TTC3: variants seen among roughly 807,000 people sequenced by gnomAD.
TTC3 encodes E3 ubiquitin-protein ligase TTC3.
A neutral mutation model predicts 249.6 loss-of-function variants in TTC3; 180 were observed. The ratio of observed to expected loss-of-function variants is 0.72; its 90% confidence interval spans 0.64 to 0.82. The LOEUF is 0.82. TTC3 is among the 40% of genes least tolerant of loss of function. TTC3 has a pLI of 0.00. For synonymous variants in TTC3, 717 were observed against 805.0 expected (o/e 0.89, Z 1.85); for missense variants, 2,061 against 2,398.4 (o/e 0.86, Z 2.94).
chr21:37,139,575 C>G (rs941649177), intron 19 of TTC3, among the ~76,000 whole-genome samples: 1 of 152,044 alleles, frequency 6.6e-6, no homozygotes, highest in African/African-American at 2.4e-5. Flanking sequence ...CTGTTCTCTC[C>G]CAGAAGTTGA....
intron 26 of TTC3, among the ~76,000 whole-genome samples, chr21:37,152,396 T>G (rs1015617350): frequency 6.6e-6 from 1 of 151,288 alleles, no homozygotes; most frequent in African/African-American, 2.4e-5. Context: ...TTTTTTGTTT[T>G]TTTTTTTTGA....
At chr21:37,166,231 A>G (rs374823592) in exon 33 of TTC3, 226 of 1,614,090 alleles carry the variant, frequency 1.4e-4, no homozygotes, top group Middle Eastern at 4.9e-4. Context: ...TAAACGTGTT[A>G]CCAGGTTTGC....
rs2072716935 is a variant in TTC3, at chr21:37,087,873, T to C, written c.185T>C (p.Leu62Ser). The C allele has an allele frequency of 1.3e-6, 2 of 1,599,128 alleles. No homozygotes were observed. The highest frequency in any genetic ancestry group is 1.7e-6 in the Non-Finnish European group (2 of 1,171,458). Residue 62 changes from leucine (L) to serine (S), a missense_variant and splice_region_variant, in exon 3 of 46, where the codon TTG (leucine) becomes TCG (serine). Around this residue, in one of 3 missense-constraint regions of TTC3, gnomAD observed 989 missense variants for 1,145.1 expected, o/e 0.86. Coordinates refer to ENST00000355666, the Ensembl canonical transcript of TTC3. The stretch of plus-strand genomic sequence containing the variant: ...GATTATATCCAAAGTGAGAGGAATT[T>C]GGGTGAGTACGTTGGTATTTTTAAT...
At chr21:37,128,566 A>G (rs989399756) in intron 15 of TTC3, among the ~76,000 whole-genome samples, 20 of 151,956 alleles carry the variant, frequency 1.3e-4, no homozygotes, top group African/African-American at 4.1e-4. Flanking sequence ...TTTCTCAGCC[A>G]CTCCAGCTTA....
chr21:37,130,905 A>T (rs747079680), intron 16 of TTC3, among the ~76,000 whole-genome samples: 3 of 152,208 alleles, frequency 2.0e-5, no homozygotes, highest in Non-Finnish European at 4.4e-5. Flanking sequence ...TAAATAATGT[A>T]TAGAAGTTGT....
chr21:37,145,121 A>G (rs1222789511), intron 21 of TTC3, among the ~76,000 whole-genome samples: 1 of 152,232 alleles, frequency 6.6e-6, no homozygotes, highest in Non-Finnish European at 1.5e-5. Context: ...TTAGAAAAAT[A>G]TGAATTTAGT....
Position 37,192,212 on chromosome 21 carries a change from C to T in TTC3, c.5216C>T (p.Thr1739Met), listed in dbSNP as rs139539630. The T allele has an allele frequency of 2.9e-5, 46 of 1,585,152 alleles. No homozygotes were observed. The highest frequency in any genetic ancestry group is 1.4e-4 in the South Asian group (12 of 86,658). ...GAGCTTTCATTTCCTGCCTGTAACA[C>T]GGTAAGTCTAGCACATCTTTTTTTT... is the stretch of plus-strand genomic sequence containing the variant. The change falls in exon 41 of 46, where the codon ACG (threonine) becomes ATG (methionine). Residue 1739 changes from threonine (T) to methionine (M), a missense_variant and splice_region_variant. This residue lies in a region of TTC3 where 1,040 missense variants were observed against 1,186.1 expected (regional missense o/e 0.88). Coordinates refer to ENST00000355666, the Ensembl canonical transcript of TTC3.
At chr21:37,182,677 G>A in intron 35 of TTC3, 97 bp from the exon 36 acceptor site, 2 of 1,270,506 alleles carry the variant, frequency 1.6e-6, no homozygotes, top group Non-Finnish European at 2.1e-6. Context: ...TTAGGTCATT[G>A]TTTAAGCTAT....
intron 35 of TTC3, among the ~76,000 whole-genome samples, chr21:37,179,650 T>C (rs1443468211): frequency 6.6e-6 from 1 of 152,210 alleles, no homozygotes; most frequent in Non-Finnish European, 1.5e-5. Flanking sequence ...CAAACTGTGA[T>C]CTTGAAAGTA....
At position 37,124,512 on chromosome 21, in the gene TTC3, C is replaced by T. The variant is rs190769572; in HGVS notation, c.1110-107C>T. The T allele has an allele frequency of 4.3e-5, 53 of 1,231,182 alleles. No homozygotes were observed. In the African/African-American group the frequency reaches 7.4e-4, roughly 17 times the overall value. 76.3% of individuals were successfully genotyped at this position (1,231,182 alleles called of 1,614,324 possible). On this transcript the variant is annotated intron_variant, in intron 13 of 45. Transcript: ENST00000355666. ...TCACAGGTAGGAAATCTTTTTAAAA[C>T]AATAATACCTTGCTTTCAAGGAAAA...
chr21:37,190,130 C>CTTTTTTTTTTTTT lies in TTC3; in HGVS notation c.5025-1187_5025-1175dup, dbSNP rs138862573. ...TTTTAGTGTATAGTTCTTTTTCTTTCTTTTTTTTTTTTTTTTTTTTTTTTT... is the reference window on the plus strand; with the variant it reads ...TTTTAGTGTATAGTTCTTTTTCTTTCTTTTTTTTTTTTTTTTTTTTTTTTTTTTTTTTTTTTTT... On this transcript the variant is annotated intron_variant, in intron 39 of 45. Transcript: ENST00000355666. Among the ~76,000 whole-genome samples, 19 of 65,046 alleles carry CTTTTTTTTTTTTT rather than the reference C, an allele frequency of 2.9e-4. 1 individual carries two copies. Among genetic ancestry groups the CTTTTTTTTTTTTT allele is most frequent in the East Asian group, 2.9e-3 (5 of 1,712 alleles). 42.7% of individuals were successfully genotyped at this position (65,046 alleles called of 152,430 possible).
chr21:37,157,281 T>C, intron 28 of TTC3: 1 of 966,706 alleles, frequency 1.0e-6, no homozygotes, highest in Non-Finnish European at 1.5e-6. Context: ...GTTTGCAGAA[T>C]CTAGAATGGA....
intron 29 of TTC3, among the ~76,000 whole-genome samples, chr21:37,160,276 G>A (rs1231972736): frequency 6.6e-6 from 1 of 152,166 alleles, no homozygotes; most frequent in Non-Finnish European, 1.5e-5. Flanking sequence ...AGAGAAAAAT[G>A]CCTGTTTACT....
chr21:37,075,151 C>T (rs542566264), intron 1 of TTC3, among the ~76,000 whole-genome samples: 3 of 138,884 alleles, frequency 2.2e-5, no homozygotes, highest in East Asian at 4.1e-4. Flanking sequence ...AATATACATG[C>T]CTTTTTGCAA....
Position 37,088,357 on chromosome 21 carries a change from A to G in TTC3, c.338+11A>G, listed in dbSNP as rs1337115617. The stretch of plus-strand genomic sequence containing the variant: ...CTGTGTGGACGCCAAGTAAGTTACT[A>G]TATGTTGCTCATTTTGTGTGGACAG... On this transcript the variant is annotated intron_variant, in intron 4 of 45. Transcript: ENST00000355666. The G allele has an allele frequency of 8.7e-6, 14 of 1,604,550 alleles. No homozygotes were observed. The highest frequency in any genetic ancestry group is 1.1e-5 in the Non-Finnish European group (13 of 1,174,632).
At chr21:37,183,245 C>A (rs1385640667) in intron 36 of TTC3, among the ~76,000 whole-genome samples, 2 of 152,118 alleles carry the variant, frequency 1.3e-5, no homozygotes, top group Non-Finnish European at 2.9e-5. Flanking sequence ...GGGGGCTGGT[C>A]TAAAATCTAA....
exon 28 of TTC3, chr21:37,156,768 A>G (rs367863548): frequency 2.5e-6 from 4 of 1,614,094 alleles, no homozygotes; most frequent in African/African-American, 1.3e-5. Context: ...ACTAGACTCT[A>G]TAGAAGGAAA....
intron 37 of TTC3, 50 bp downstream of exon 37, chr21:37,185,824 C>T (rs756605789): frequency 2.6e-6 from 3 of 1,150,142 alleles, no homozygotes; most frequent in Non-Finnish European, 2.4e-6. Flanking sequence ...CTTTTAATGC[C>T]AGGAGTACAA....
rs200356939 is a variant in TTC3, at chr21:37,159,683, C to G, written c.2993-16C>G. ...ATATTTAGTTTTCTCACAAAACCAT[C>G]TGTATATTCCTACAGACAGCCGCTG... On this transcript the variant is annotated splice_polypyrimidine_tract_variant and intron_variant, in intron 28 of 45. Transcript: ENST00000355666. 4 of 1,611,590 alleles carry G rather than the reference C, an allele frequency of 2.5e-6. No individual in the cohort carries two copies. The highest frequency in any genetic ancestry group is 3.4e-5 in the Admixed American group (2 of 59,456).
Sources: gnomAD v4.1 joint callset for allele counts (sites outside exome capture counted in the v4.1 genomes callset) on GRCh38, gnomAD v4.1.1 for gene constraint, gnomAD v4.1.1 regional missense constraint, MANE v1.5 for transcripts, NCBI Gene and HGNC (gene_info 2026-07-23, HGNC 2026-07-21) for gene names.